APTX: variants seen among roughly 807,000 people sequenced by gnomAD.
APTX encodes aprataxin, also known as forkhead-associated domain histidine triad-like protein.
In APTX, 33 loss-of-function variants were observed where a neutral mutation model predicts 42.3. The ratio of observed to expected loss-of-function variants is 0.78; its 90% CI spans 0.59 to 1.04. The LOEUF (loss-of-function observed/expected upper bound fraction) is 1.04. APTX is among the 50% of genes least tolerant of loss of function. The probability of loss-of-function intolerance (pLI) is 0.00; values close to 1 mark genes in which losing one functional copy is unlikely to be tolerated. For synonymous variants in APTX, 130 were observed against 146.7 expected, an observed-to-expected ratio of 0.89 and a Z score of 0.82; for missense variants, 421 against 415.1, an observed-to-expected ratio of 1.01 and a Z score of -0.12.
At position 32,975,398 on chromosome 9, in the gene APTX, A is replaced by T. The variant is rs148611623; in HGVS notation, c.771-837T>A. On this transcript the variant is annotated intron_variant, in intron 6 of 7. Coordinates refer to ENST00000379817, the MANE Select transcript of APTX (RefSeq NM_001195248.2). ...GGCCTATTTTAATTTTATTATTCTT[A>T]AATTCATTCTTTTGAAAATGCAACC... is the stretch of plus-strand genomic sequence containing the variant. Among the ~76,000 whole-genome samples, 627 of 152,286 alleles carry T rather than the reference A, an allele frequency of 4.1e-3. 6 individuals carry two copies. Among genetic ancestry groups the T allele is most frequent in the African/African-American group, 0.014 (599 of 41,562 alleles).
chr9:33,011,527 C>T (rs1394635988), intron 1 of APTX, among the ~76,000 whole-genome samples: 4 of 152,096 alleles, frequency 2.6e-5, no homozygotes, highest in African/African-American at 9.7e-5. Context: ...CCTTGTGATC[C>T]ACCCGCCTCG....
At chr9:33,016,173 C>A (rs569580497) in intron 1 of APTX, 1 of 152,322 alleles carries the variant, frequency 6.6e-6, no homozygotes, top group Admixed American at 6.5e-5. Flanking sequence ...CGAATTCTTT[C>A]CACTTTTCAG....
chr9:32,974,602 C>G (rs534087365), intron 6 of APTX, 41 bp from the exon 7 acceptor site: 20 of 1,085,124 alleles, frequency 1.8e-5, no homozygotes, highest in Middle Eastern at 2.3e-4. Flanking sequence ...AACTCTTTAA[C>G]AACTATGGCT....
intron 1 of APTX, among the ~76,000 whole-genome samples, chr9:33,009,460 ATTCACTCTTGT>A (rs1402179038): frequency 2.0e-5 from 3 of 151,958 alleles, no homozygotes; most frequent in Non-Finnish European, 4.4e-5. Flanking sequence ...TTTCTCCCTA[ATTCACTCTTGT>A]CCCCTCCAAT....
At position 33,020,792 on chromosome 9, in the gene APTX, C is replaced by T. The variant is rs183712220; in HGVS notation, c.-5+4231G>A. ...TATTACTTTGCTCCTGCCAGGCCTC[C>T]AGCCATCTCCAGCTACCTCTATGAA... On this transcript the variant is annotated intron_variant, in intron 1 of 6. Transcript: ENST00000436040. 8.7e-4 allele frequency among the ~76,000 whole-genome samples: 133 copies of T among 152,358 alleles called. 2 individuals carry two copies. Among genetic ancestry groups the T allele is most frequent in the Admixed American group, 3.5e-3 (54 of 15,308 alleles).
intron 6 of APTX, among the ~76,000 whole-genome samples, chr9:32,978,375 G>A (rs1044211317): frequency 1.3e-5 from 2 of 152,192 alleles, no homozygotes; most frequent in Non-Finnish European, 2.9e-5. Context: ...AAGAAGGTTA[G>A]AGTAATATTT....
chr9:32,982,004 A>AC (rs1393826037), intron 6 of APTX, among the ~76,000 whole-genome samples: 1 of 152,082 alleles, frequency 6.6e-6, no homozygotes, highest in Non-Finnish European at 1.5e-5. Context: ...TAAAAAAAAA[A>AC]AAACAGTAAT....
intron 6 of APTX, among the ~76,000 whole-genome samples, chr9:32,984,384 C>A (rs1022021957): frequency 1.3e-5 from 2 of 152,120 alleles, no homozygotes; most frequent in African/African-American, 4.8e-5. Context: ...ATATATTAGG[C>A]TCTCGAAGAT....
chr9:32,997,608 G>C (rs1467351565), intron 1 of APTX, among the ~76,000 whole-genome samples: 1 of 65,032 alleles, frequency 1.5e-5, no homozygotes, highest in Non-Finnish European at 3.3e-5. Context: ...ACAGGGAGAA[G>C]ATTCCAAGCA....
rs1563942256 is a variant in APTX at position 32,973,398 on chromosome 9, T to TA, written c.*99dup. ...AAATTTGTGAAAAAGCTGCATGTTT[T>TA]AATTTAGGAAATGAGTAGAAGTTCA... On this transcript the variant is annotated 3_prime_UTR_variant, in exon 8 of 8. Transcript: ENST00000379817. 5 of 1,376,510 alleles carry TA rather than the reference T, an allele frequency of 3.6e-6. No homozygotes were observed. Among genetic ancestry groups the TA allele is most frequent in the Non-Finnish European group, 5.2e-6 (5 of 968,364 alleles). 85.3% of individuals were successfully genotyped at this position (1,376,510 alleles called of 1,614,324 possible). A position where few individuals can be genotyped will look rare whatever the true frequency, so the allele number is the denominator to read the frequency against.
rs1182173513 is a variant in APTX, at chr9:32,985,340, T to G, written c.544-483A>C. On this transcript the variant is annotated intron_variant, in intron 5 of 7. Coordinates refer to ENST00000379817, the MANE Select transcript of APTX (RefSeq NM_001195248.2). Reference sequence around the variant, plus strand: ...GGATGATGCCTGTTTTTTTTTTTTTTTTTTTTTTTTTGAGATGGAGTTTCG... The same window carrying G: ...GGATGATGCCTGTTTTTTTTTTTTTGTTTTTTTTTTTGAGATGGAGTTTCG... Among the ~76,000 whole-genome samples, 13 of 148,688 alleles carry G rather than the reference T, an allele frequency of 8.7e-5. No individual in the cohort carries two copies. The East Asian group carries it at 1.2e-3, about 14-fold the overall frequency.
rs779216703 is a variant in APTX at position 32,994,351 on chromosome 9, A to G, written c.-4-4456T>C. 1.4e-3 allele frequency among the ~76,000 whole-genome samples: 206 copies of G among 152,240 alleles called. 1 individual carries two copies. The highest frequency in any genetic ancestry group is 2.4e-3 in the Non-Finnish European group (166 of 68,014). On this transcript the variant is annotated intron_variant, in intron 1 of 7. Transcript: ENST00000379817. The stretch of plus-strand genomic sequence containing the variant: ...CTGGAAACTTGCCCTGCCCTGATCC[A>G]TCTCAAGTCCCTCAGGCCTGAAGTT...
intron 6 of APTX, chr9:32,980,105 C>T (rs1830358554): frequency 6.5e-6 from 1 of 152,798 alleles, no homozygotes; most frequent in Non-Finnish European, 1.5e-5. Flanking sequence ...CTACTTTCTT[C>T]TCTCGCTTCA....
At chr9:32,988,352 T>C (rs141053938) in intron 2 of APTX, among the ~76,000 whole-genome samples, 28 of 152,286 alleles carry the variant, frequency 1.8e-4, no homozygotes, top group African/African-American at 6.0e-4. Context: ...ACAGCGTACA[T>C]ACTCCCTTAG....
At chr9:33,022,346 AAAC>A (rs1339239967) in intron 1 of APTX, among the ~76,000 whole-genome samples, 2 of 152,370 alleles carry the variant, frequency 1.3e-5, no homozygotes, top group East Asian at 1.9e-4. Context: ...AAGAAACTCG[AAAC>A]AATAAGATAT....
At chr9:33,018,933 G>C (rs994293477) in intron 1 of APTX, among the ~76,000 whole-genome samples, 1 of 152,114 alleles carries the variant, frequency 6.6e-6, no homozygotes, top group African/African-American at 2.4e-5. Context: ...AATAAGTAAA[G>C]TCTGAGAAAC....
intron 1 of APTX, among the ~76,000 whole-genome samples, chr9:33,023,712 G>A (rs777551752): frequency 4.6e-5 from 7 of 152,254 alleles, no homozygotes; most frequent in Non-Finnish European, 1.0e-4. Context: ...AGGCGTATAT[G>A]GGAAACTGCG....
Position 32,988,127 on chromosome 9 carries a change from G to A in APTX, c.136C>T (p.Gln46Ter). The change falls in exon 3 of 8, where the codon CAG becomes TAG. Residue 46 changes from glutamine (Q) to a stop codon, truncating the protein, a stop_gained and splice_region_variant. Transcript: ENST00000379817. LOFTEE classifies it high-confidence loss of function. ...TDKKCSRQQV[Q>*]LKAECNKGYV... ...CCCTTGTTACACTCTGCTTTCAACTGTACTGAAAGAGATTGGAAAAAGTTA... is the reference window on the plus strand; with the variant it reads ...CCCTTGTTACACTCTGCTTTCAACTATACTGAAAGAGATTGGAAAAAGTTA... 4.3e-6 allele frequency: 7 copies of A among 1,613,888 alleles called. No individual in the cohort carries two copies. Among genetic ancestry groups the A allele is most frequent in the South Asian group, 1.1e-5 (1 of 91,078 alleles).
At chr9:33,023,616 C>T (rs1838581527) in intron 1 of APTX, among the ~76,000 whole-genome samples, 1 of 152,102 alleles carries the variant, frequency 6.6e-6, no homozygotes, top group South Asian at 2.1e-4. Flanking sequence ...AAACTTTATA[C>T]CAGAGGTGAT....
Sources: gnomAD v4.1 joint callset for allele counts (sites outside exome capture counted in the v4.1 genomes callset) on GRCh38, gnomAD v4.1.1 for gene constraint, MANE v1.5 for transcripts, NCBI Gene and HGNC (gene_info 2026-07-23, HGNC 2026-07-21) for gene names.